The following SPAG6 variants were observed in gnomAD, a reference collection of about 807,000 sequenced individuals.
SPAG6 encodes the protein sperm-associated antigen 6.
A neutral mutation model predicts 58.5 loss-of-function variants in SPAG6; 49 were observed. The ratio of observed to expected loss-of-function variants is 0.84; its 90% confidence interval spans 0.67 to 1.06. The LOEUF (loss-of-function observed/expected upper bound fraction) is 1.06, where lower values mean the gene tolerates loss of function less well. Among genes scored for constraint, SPAG6 ranks in the 50% least tolerant of loss-of-function variants. The pLI, the probability that SPAG6 is intolerant of heterozygous loss-of-function variation, is 0.00. For missense variants in SPAG6, 560 were observed against 611.3 expected (o/e 0.92, Z 0.89); for synonymous variants, 233 against 225.6 (o/e 1.03, Z -0.29).
At chr10:22,372,457 G>A (rs1227104095) in intron 4 of SPAG6, among the ~76,000 whole-genome samples, 5 of 152,316 alleles carry the variant, frequency 3.3e-5, no homozygotes, top group Admixed American at 2.6e-4. Context: ...CCCAGCCGCC[G>A]GGCTTCCTCA....
At chr10:22,381,658 A>G (rs940982332) in intron 4 of SPAG6, among the ~76,000 whole-genome samples, 6 of 152,126 alleles carry the variant, frequency 3.9e-5, no homozygotes, top group Admixed American at 2.0e-4. Context: ...CTGGGGCACT[A>G]TTAAAGCAAG....
At chr10:22,373,040 C>A (rs1025242014) in intron 4 of SPAG6, among the ~76,000 whole-genome samples, 1 of 152,104 alleles carries the variant, frequency 6.6e-6, no homozygotes, top group Non-Finnish European at 1.5e-5. Context: ...TTTTTTAGCT[C>A]CTTGTAATAT....
At chr10:22,412,592 C>A in intron 10 of SPAG6, 3 of 774,390 alleles carry the variant, frequency 3.9e-6, no homozygotes, top group Non-Finnish European at 6.1e-6. Flanking sequence ...TATAATTAGT[C>A]TACATATAAC....
At chr10:22,408,794 T>G (rs2130638478) in intron 9 of SPAG6, among the ~76,000 whole-genome samples, 1 of 152,330 alleles carries the variant, frequency 6.6e-6, no homozygotes, top group East Asian at 1.9e-4. Flanking sequence ...CGAGACTCTG[T>G]GGGGGTAGGA....
At chr10:22,383,421 T>C (rs556596225) in intron 4 of SPAG6, among the ~76,000 whole-genome samples, 1 of 152,014 alleles carries the variant, frequency 6.6e-6, no homozygotes, top group South Asian at 2.1e-4. Context: ...GGGTGGATCA[T>C]GAGGTCAGGA....
chr10:22,406,053 G>A (rs1360256946), intron 9 of SPAG6, among the ~76,000 whole-genome samples: 11 of 151,990 alleles, frequency 7.2e-5, no homozygotes, highest in East Asian at 1.9e-4. Flanking sequence ...TCTTGCTAGC[G>A]GTCTATCAAT....
At chr10:22,388,028 T>C (rs767736141) in intron 6 of SPAG6, 32 bp downstream of exon 6, 1 of 1,543,112 alleles carries the variant, frequency 6.5e-7, no homozygotes, top group East Asian at 2.3e-5. Flanking sequence ...CAATAATATG[T>C]AGTAGTTAGT....
intron 3 of SPAG6, among the ~76,000 whole-genome samples, chr10:22,367,785 T>C (rs1273846049): frequency 1.3e-5 from 2 of 152,114 alleles, no homozygotes; most frequent in African/African-American, 4.8e-5. Context: ...AAACAATGCA[T>C]CTATAGGAAA....
At chr10:22,383,905 G>C (rs1243254202) in intron 4 of SPAG6, among the ~76,000 whole-genome samples, 1 of 152,124 alleles carries the variant, frequency 6.6e-6, no homozygotes, top group African/African-American at 2.4e-5. Flanking sequence ...TGAACATTCA[G>C]TGAGTGAAAG....
chr10:22,380,186 GTTA>G (rs1833915915), intron 4 of SPAG6, among the ~76,000 whole-genome samples: 1 of 152,174 alleles, frequency 6.6e-6, no homozygotes, highest in Non-Finnish European at 1.5e-5. Context: ...CAACATATTT[GTTA>G]TTATAATTTC....
intron 9 of SPAG6, among the ~76,000 whole-genome samples, chr10:22,402,284 T>TA (rs928833328): frequency 2.4e-4 from 37 of 151,412 alleles, no homozygotes; most frequent in Admixed American, 1.3e-3. Context: ...TTAAAAGATT[T>TA]AAAAAAAAAT....
At chr10:22,401,503 G>A (rs961763196) in intron 9 of SPAG6, among the ~76,000 whole-genome samples, 9 of 152,062 alleles carry the variant, frequency 5.9e-5, no homozygotes, top group East Asian at 1.9e-4. Context: ...GTCTTTTTAA[G>A]TGTTCCCAGA....
chr10:22,354,951 G>T (rs541236420), intron 2 of SPAG6, among the ~76,000 whole-genome samples: 2 of 150,208 alleles, frequency 1.3e-5, no homozygotes, highest in Admixed American at 6.6e-5. Context: ...TTGAGATCAC[G>T]CCACTGCACT....
chr10:22,373,234 G>C (rs1180651502), intron 4 of SPAG6, among the ~76,000 whole-genome samples: 1 of 152,186 alleles, frequency 6.6e-6, no homozygotes, highest in African/African-American at 2.4e-5. Context: ...CGGAAACATT[G>C]AGTCCATTGT....
chr10:22,371,932 A>T (rs1476169329), intron 4 of SPAG6, among the ~76,000 whole-genome samples: 1 of 152,112 alleles, frequency 6.6e-6, no homozygotes, highest in Non-Finnish European at 1.5e-5. Context: ...CCAACTGTGT[A>T]CAAATCATAT....
chr10:22,346,491 TTCTTC>T (rs1401604441), intron 2 of SPAG6, among the ~76,000 whole-genome samples: 2 of 130,400 alleles, frequency 1.5e-5, no homozygotes, highest in African/African-American at 8.6e-5. Context: ...CTTCTTCTTC[TTCTTC>T]TTTCTTCTTC....
chr10:22,349,189 C>T (rs912254721), intron 2 of SPAG6, among the ~76,000 whole-genome samples: 3 of 151,906 alleles, frequency 2.0e-5, no homozygotes, highest in Non-Finnish European at 4.4e-5. Flanking sequence ...CTAGAAAGAA[C>T]GGTGTACAAA....
In SPAG6 at chr10:22,345,613, TGAGTCAGAGGCAGGTGCTGCA is replaced by T; in HGVS notation, c.3_23del (p.MetSerGlnArgGlnValLeuGln1_?8). 6.5e-7 allele frequency: 1 copy of T among 1,529,904 alleles called. No individual in the cohort carries two copies. The highest frequency in any genetic ancestry group is 1.2e-5 in the South Asian group (1 of 82,068). 94.8% of individuals were successfully genotyped at this position (1,529,904 alleles called of 1,614,324 possible). Reference sequence around the variant, plus strand: ...AGGGCAGACGGCGGCGGGGGCGCCATGAGTCAGAGGCAGGTGCTGCAAGGTAGGGCCGAGGCGGGCAGGTGC... The same window carrying T: ...AGGGCAGACGGCGGCGGGGGCGCCATAGGTAGGGCCGAGGCGGGCAGGTGC... On this transcript the variant is annotated start_lost and inframe_deletion and splice_region_variant, in exon 1 of 11. Transcript: ENST00000376624. The surrounding 1 kb of genome is among the most constrained non-coding windows in gnomAD (Gnocchi z 6.3).
chr10:22,397,124 A>G (rs894593896), intron 8 of SPAG6, among the ~76,000 whole-genome samples: 1 of 152,100 alleles, frequency 6.6e-6, no homozygotes, highest in African/African-American at 2.4e-5. Context: ...ATCATAATGC[A>G]TATCTTCTAG....
Sources: gnomAD v4.1 joint callset for allele counts (sites outside exome capture counted in the v4.1 genomes callset) on GRCh38, gnomAD v4.1.1 for gene constraint, Gnocchi (gnomAD v3.1) non-coding constraint, MANE v1.5 for transcripts, NCBI Gene and HGNC (gene_info 2026-07-23, HGNC 2026-07-21) for gene names.